The following LRP1B variants were observed in gnomAD, a reference collection of about 807,000 sequenced individuals.
LRP1B encodes LDL receptor related protein 1B.
Under a neutral mutation model 556.6 loss-of-function variants are expected in LRP1B, and 217 were observed. The observed-to-expected ratio is 0.39, with a 90% CI of 0.35 to 0.44. The LOEUF (loss-of-function observed/expected upper bound fraction) is 0.44, where lower values mean the gene tolerates loss of function less well. Among genes scored for constraint, LRP1B ranks in the 20% least tolerant of loss-of-function variants. The pLI is 1.00. For synonymous variants in LRP1B, 2,047 were observed against 1,865.8 expected (o/e 1.10, Z -2.50); for missense variants, 5,053 against 5,620.8 (o/e 0.90, Z 3.23).
chr2:141,477,531 GC>G, intron 3 of LRP1B, among the ~76,000 whole-genome samples: 1 of 152,214 alleles, frequency 6.6e-6, no homozygotes, highest in East Asian at 1.9e-4. Context: ...TTGCTTATAG[GC>G]AGTCACCTTT....
At chr2:141,092,755 G>A (rs1390766208) in intron 7 of LRP1B, among the ~76,000 whole-genome samples, 1 of 152,164 alleles carries the variant, frequency 6.6e-6, no homozygotes, top group Non-Finnish European at 1.5e-5. Flanking sequence ...TTTCAAGGAG[G>A]AGAGAGAGTG....
intron 1 of LRP1B, among the ~76,000 whole-genome samples, chr2:141,988,247 A>G (rs1000846638): frequency 1.3e-5 from 2 of 151,838 alleles, no homozygotes; most frequent in Non-Finnish European, 2.9e-5. Context: ...AAATCAGACC[A>G]TATCTAAGAA....
intron 2 of LRP1B, among the ~76,000 whole-genome samples, chr2:141,598,152 G>A (rs1025155599): frequency 1.3e-5 from 2 of 151,674 alleles, no homozygotes; most frequent in African/African-American, 4.8e-5. Context: ...CCTAACTCTG[G>A]ATGAGGGTTT....
At chr2:140,521,658 TACA>T (rs1185121583) in intron 49 of LRP1B, among the ~76,000 whole-genome samples, 1 of 151,946 alleles carries the variant, frequency 6.6e-6, no homozygotes, top group East Asian at 1.9e-4. Context: ...CTAACAACAC[TACA>T]ACAAGAATAA....
chr2:141,582,963 G>GC (rs1316430539), intron 2 of LRP1B, among the ~76,000 whole-genome samples: 2 of 139,980 alleles, frequency 1.4e-5, no homozygotes, highest in African/African-American at 5.8e-5. Flanking sequence ...AGCCTCCTGA[G>GC]TAACTGGGAC....
At chr2:141,611,243 A>C (rs1319953920) in intron 2 of LRP1B, among the ~76,000 whole-genome samples, 2 of 152,224 alleles carry the variant, frequency 1.3e-5, no homozygotes, top group African/African-American at 4.8e-5. Context: ...ACCTTGACAA[A>C]ACTTCCTGAC....
intron 3 of LRP1B, among the ~76,000 whole-genome samples, chr2:141,386,953 C>A (rs1051333209): frequency 6.6e-6 from 1 of 151,788 alleles, no homozygotes; most frequent in Non-Finnish European, 1.5e-5. Context: ...GTATGTAATG[C>A]CAAAAAGCAA....
chr2:140,837,227 G>C (rs1478218767), intron 31 of LRP1B, among the ~76,000 whole-genome samples: 1 of 152,126 alleles, frequency 6.6e-6, no homozygotes, highest in Admixed American at 6.5e-5. Flanking sequence ...GATTATATGA[G>C]TAAGGAAACC....
chr2:141,015,401 G>GA (rs1697873275), intron 13 of LRP1B, among the ~76,000 whole-genome samples: 1 of 152,004 alleles, frequency 6.6e-6, no homozygotes, highest in Non-Finnish European at 1.5e-5. Context: ...CTTGGTTATA[G>GA]AAAACTCATC....
intron 6 of LRP1B, among the ~76,000 whole-genome samples, chr2:141,197,422 T>C (rs1249443): frequency 6.6e-6 from 1 of 152,146 alleles, no homozygotes; most frequent in Non-Finnish European, 1.5e-5. Context: ...TATCTGCTCC[T>C]TATTGTCCGA....
At chr2:141,717,648 G>T (rs1409305696) in intron 2 of LRP1B, among the ~76,000 whole-genome samples, 5 of 152,162 alleles carry the variant, frequency 3.3e-5, no homozygotes, top group Non-Finnish European at 5.9e-5. Flanking sequence ...CTCTCTGAAA[G>T]GAAAAGCAGA....
chr2:140,777,991 T>C (rs1394855071), intron 32 of LRP1B, among the ~76,000 whole-genome samples: 3 of 152,154 alleles, frequency 2.0e-5, no homozygotes, highest in Non-Finnish European at 4.4e-5. Context: ...TAGGAATCAC[T>C]GAATTCACTA....
chr2:141,262,126 A>T (rs368232305), intron 3 of LRP1B, among the ~76,000 whole-genome samples: 21 of 151,796 alleles, frequency 1.4e-4, no homozygotes, highest in African/African-American at 5.1e-4. Flanking sequence ...AATTATTTTG[A>T]TTTGCATTTT....
chr2:140,382,533 A>T (rs144604952), intron 67 of LRP1B, among the ~76,000 whole-genome samples: 1 of 152,326 alleles, frequency 6.6e-6, no homozygotes, highest in African/African-American at 2.4e-5. Context: ...AGCAGAAATA[A>T]TTGTTGAAGC....
At chr2:140,935,167 T>C (rs1695166735) in intron 20 of LRP1B, among the ~76,000 whole-genome samples, 1 of 151,918 alleles carries the variant, frequency 6.6e-6, no homozygotes, top group Admixed American at 6.6e-5. Context: ...GAAAACAAAA[T>C]AAACCAATGA....
intron 11 of LRP1B, among the ~76,000 whole-genome samples, chr2:141,021,947 G>C (rs916075935): frequency 2.0e-5 from 3 of 151,704 alleles, no homozygotes; most frequent in East Asian, 1.9e-4. Context: ...AATTTATCAG[G>C]ATTAAAAAAT....
intron 1 of LRP1B, among the ~76,000 whole-genome samples, chr2:141,905,424 A>AT (rs2104941437): frequency 6.6e-6 from 1 of 151,938 alleles, no homozygotes; most frequent in East Asian, 1.9e-4. Flanking sequence ...GTGATGATAA[A>AT]TTTTGAAGTG....
At chr2:140,643,765 C>T (rs1684383830) in intron 41 of LRP1B, among the ~76,000 whole-genome samples, 1 of 152,154 alleles carries the variant, frequency 6.6e-6, no homozygotes, top group Admixed American at 6.5e-5. Context: ...TACGTAATCA[C>T]TATTTCAATG....
intron 66 of LRP1B, among the ~76,000 whole-genome samples, chr2:140,415,358 T>C (rs961871288): frequency 6.6e-6 from 1 of 152,200 alleles, no homozygotes; most frequent in Non-Finnish European, 1.5e-5. Flanking sequence ...AGTTCTGCTT[T>C]TTGCCCTTTG....
Sources: allele counts gnomAD v4.1 joint callset (sites outside exome capture counted in the v4.1 genomes callset), GRCh38; gene constraint gnomAD v4.1.1; transcripts MANE v1.5; gene names NCBI Gene and HGNC (gene_info 2026-07-23, HGNC 2026-07-21).